DPP8: variants seen among roughly 807,000 people sequenced by gnomAD.
DPP8 encodes dipeptidyl peptidase 8.
In DPP8, 31 loss-of-function variants were observed where a neutral mutation model predicts 107.5. The ratio of observed to expected loss-of-function variants is 0.29; its 90% CI spans 0.22 to 0.39. DPP8 has a LOEUF of 0.39. Ranked by LOEUF, DPP8 falls within the 10% of genes least tolerant of loss-of-function variation. The probability of loss-of-function intolerance (pLI) is 1.00; values close to 1 mark genes in which losing one functional copy is unlikely to be tolerated. For synonymous variants in DPP8, 381 were observed against 356.6 expected (o/e 1.07, Z -0.77); for missense variants, 842 against 1,076.1 (o/e 0.78, Z 3.04).
chr15:65,491,457 C>T (rs1807477247), intron 5 of DPP8, among the ~76,000 whole-genome samples: 1 of 152,162 alleles, frequency 6.6e-6, no homozygotes, highest in Non-Finnish European at 1.5e-5. Context: ...AGTACTCATG[C>T]TCCTTCCCAG....
intron 15 of DPP8, chr15:65,458,443 T>C (rs2140404397): frequency 6.6e-6 from 1 of 152,238 alleles, no homozygotes; most frequent in South Asian, 2.1e-4. Context: ...GTAATTTTAA[T>C]AAGGTCGGGG....
chr15:65,471,167 G>C (rs368539042), intron 12 of DPP8, among the ~76,000 whole-genome samples: 3 of 152,052 alleles, frequency 2.0e-5, no homozygotes, highest in African/African-American at 7.2e-5. Context: ...TCAGAACCTA[G>C]AATTCCACAA....
chr15:65,497,540 C>A (rs1467844912), intron 5 of DPP8, among the ~76,000 whole-genome samples: 1 of 152,134 alleles, frequency 6.6e-6, no homozygotes. Flanking sequence ...AGGCATGAGC[C>A]ACCATGCCTA....
At chr15:65,506,649 A>T (rs376677109) in intron 3 of DPP8, among the ~76,000 whole-genome samples, 3 of 148,636 alleles carry the variant, frequency 2.0e-5, no homozygotes, top group African/African-American at 7.4e-5. Context: ...ACATATATAA[A>T]ATATATAAAC....
intron 5 of DPP8, among the ~76,000 whole-genome samples, chr15:65,492,124 T>C (rs1175408121): frequency 6.6e-6 from 1 of 151,786 alleles, no homozygotes; most frequent in Non-Finnish European, 1.5e-5. Flanking sequence ...GGCAGACTGC[T>C]TGAGCTCAGG....
chr15:65,471,398 G>A (rs2065885928), intron 12 of DPP8, among the ~76,000 whole-genome samples: 1 of 151,978 alleles, frequency 6.6e-6, no homozygotes, highest in Non-Finnish European at 1.5e-5. Flanking sequence ...CCAGGCTATA[G>A]CATAGCATTG....
At chr15:65,509,628 G>C (rs1291106489) in intron 2 of DPP8, among the ~76,000 whole-genome samples, 1 of 152,176 alleles carries the variant, frequency 6.6e-6, no homozygotes. Flanking sequence ...GAAGTAAAAT[G>C]CTAATGTAAC....
At position 65,512,500 on chromosome 15, in the gene DPP8, C is replaced by A; in HGVS notation, c.54G>T (p.Ala18=). The change falls in exon 2 of 20, where the codon GCG becomes GCT. Residue 18 remains alanine (A), a synonymous_variant. Coordinates refer to ENST00000300141, the MANE Select transcript of DPP8 (RefSeq NM_130434.5). ...GTGATTCAATATTCTCCTCACAGTC[C>A]GCAGTTTCAAATATCTCAACACCCA... ...EQLGVEIFET[A]DCEENIESQD... The A allele has an allele frequency of 6.2e-7, 1 of 1,614,054 alleles. No homozygotes were observed. The highest frequency in any genetic ancestry group is 8.5e-7 in the Non-Finnish European group (1 of 1,179,990).
In DPP8 at chr15:65,445,032, C is replaced by G. The variant is rs140300252; in HGVS notation, c.*1852G>C. 55 of 152,192 alleles carry G rather than the reference C, an allele frequency of 3.6e-4. No individual in the cohort carries two copies. Among genetic ancestry groups the G allele is most frequent in the African/African-American group, 1.3e-3 (53 of 41,518 alleles). 9.4% of individuals were successfully genotyped at this position (152,192 alleles called of 1,614,324 possible). ...AACAAATCTTGGCATGGGAAAATATCAAACATGAAAAGCAATACATATACA... is the reference window on the plus strand; with the variant it reads ...AACAAATCTTGGCATGGGAAAATATGAAACATGAAAAGCAATACATATACA... On this transcript the variant is annotated 3_prime_UTR_variant, in exon 20 of 20. Transcript: ENST00000300141.
intron 8 of DPP8, among the ~76,000 whole-genome samples, chr15:65,483,226 T>C (rs2067092753): frequency 6.6e-6 from 1 of 151,634 alleles, no homozygotes; most frequent in African/African-American, 2.4e-5. Flanking sequence ...CTGGTGGGAA[T>C]ATAATAAAAT....
At position 65,452,031 on chromosome 15, in the gene DPP8, A is replaced by G; in HGVS notation, c.2343T>C (p.Gly781=). The stretch of plus-strand genomic sequence containing the variant: ...AGCCCTGTTCATTCTGGTCAGGGTG[A>G]CCCATATAACGTTCCGTGTATCCTG... ...YDTGYTERYM[G]HPDQNEQGYY... The change falls in exon 18 of 20, where the codon GGT becomes GGC. Residue 781 remains glycine, a synonymous_variant. Coordinates refer to ENST00000300141, the MANE Select transcript of DPP8 (RefSeq NM_130434.5). 6.2e-7 allele frequency: 1 copy of G among 1,613,050 alleles called. No homozygotes were observed. Among genetic ancestry groups the G allele is most frequent in the Non-Finnish European group, 8.5e-7 (1 of 1,179,702 alleles).
intron 15 of DPP8, among the ~76,000 whole-genome samples, chr15:65,463,295 T>C (rs2065068704): frequency 6.6e-6 from 1 of 152,146 alleles, no homozygotes; most frequent in Non-Finnish European, 1.5e-5. Context: ...TCCCAACACT[T>C]TGGGAGCCTG....
intron 5 of DPP8, among the ~76,000 whole-genome samples, chr15:65,496,513 C>T (rs1249997721): frequency 2.0e-5 from 3 of 152,214 alleles, no homozygotes; most frequent in Non-Finnish European, 4.4e-5. Context: ...ATTCACATCT[C>T]TCTGTGCTTT....
chr15:65,454,218 AATCT>A (rs752245033), intron 17 of DPP8, 41 bp downstream of exon 17: 28 of 1,394,834 alleles, frequency 2.0e-5, no homozygotes, highest in Non-Finnish European at 2.5e-5. Context: ...TTTACAGAAA[AATCT>A]ACCCTTATTG....
chr15:65,498,079 A>C, intron 4 of DPP8, 47 bp from the exon 5 acceptor site: 2 of 1,371,438 alleles, frequency 1.5e-6, no homozygotes, highest in African/African-American at 1.4e-5. Flanking sequence ...GCTGACACAT[A>C]CATGTTCCAG....
At chr15:65,484,328 A>AG (rs2067204669) in intron 8 of DPP8, among the ~76,000 whole-genome samples, 1 of 151,042 alleles carries the variant, frequency 6.6e-6, no homozygotes, top group East Asian at 1.9e-4. Flanking sequence ...TCTGTCTCAA[A>AG]AAAAAAAAAA....
At chr15:65,466,538 A>G (rs2065368578) in intron 14 of DPP8, 140 bp downstream of exon 14, 3 of 728,408 alleles carry the variant, frequency 4.1e-6, no homozygotes, top group Admixed American at 2.4e-5. Flanking sequence ...AGAGGGATCT[A>G]TCAGGAGCTC....
intron 2 of DPP8, among the ~76,000 whole-genome samples, chr15:65,509,987 C>T (rs903348384): frequency 2.8e-4 from 43 of 152,074 alleles, no homozygotes; most frequent in Non-Finnish European, 8.8e-5. Context: ...CACCACTGCA[C>T]TCCAGCCTGG....
intron 12 of DPP8, among the ~76,000 whole-genome samples, chr15:65,471,372 G>A (rs2065882583): frequency 6.6e-6 from 1 of 151,872 alleles, no homozygotes; most frequent in Non-Finnish European, 1.5e-5. Flanking sequence ...TTTTGAGGCG[G>A]GTATCATTCT....
Sources: gnomAD v4.1 joint callset for allele counts (sites outside exome capture counted in the v4.1 genomes callset) on GRCh38, gnomAD v4.1.1 for gene constraint, MANE v1.5 for transcripts, NCBI Gene and HGNC (gene_info 2026-07-23, HGNC 2026-07-21) for gene names.